The following TPM1 variants were observed in gnomAD, a reference collection of about 807,000 sequenced individuals.
TPM1 encodes tropomyosin alpha-1 chain.
In TPM1, 24 loss-of-function variants were observed where a neutral mutation model predicts 42.9. The observed-to-expected ratio is 0.56, with a 90% CI of 0.41 to 0.79. The LOEUF (loss-of-function observed/expected upper bound fraction) is 0.79. TPM1 is among the 30% of genes least tolerant of loss of function. The probability of loss-of-function intolerance (pLI) is 0.00; values close to 1 mark genes in which losing one functional copy is unlikely to be tolerated. For synonymous variants in TPM1, 136 were observed against 130.1 expected (o/e 1.05, Z -0.31); for missense variants, 158 against 351.8 (o/e 0.45, Z 4.41).
At chr15:63,069,761 T>A (rs2036501131), downstream of TPM1, 6 of 1,376,814 alleles carry the variant, frequency 4.4e-6, no homozygotes, top group Non-Finnish European at 5.1e-6. Flanking sequence ...GACCAGTTGC[T>A]GTCCTGCTTG....
chr15:63,048,528 G>A (rs1458796995), intron 2 of TPM1: 14 of 1,505,918 alleles, frequency 9.3e-6, no homozygotes, highest in African/African-American at 1.5e-5. Context: ...CAGGGCAGCA[G>A]CCGGCCTCTC....
At chr15:63,044,941 T>C (rs1199291713) in intron 2 of TPM1, 1 of 152,006 alleles carries the variant, frequency 6.6e-6, no homozygotes, top group African/African-American at 2.4e-5. Flanking sequence ...AAGCTCTTTG[T>C]CCACTGCCCT....
chr15:63,064,553 A>G, intron 9 of TPM1: 2 of 1,054,596 alleles, frequency 1.9e-6, no homozygotes, highest in Non-Finnish European at 2.3e-6. Flanking sequence ...TTCGTTAAAT[A>G]TAATTTGAAG....
At chr15:63,044,381 TG>T in intron 2 of TPM1, 1 of 671,062 alleles carries the variant, frequency 1.5e-6, no homozygotes, top group African/African-American at 1.8e-5. Context: ...TCCCTGGGGG[TG>T]GAGGTGGGTG....
downstream of TPM1, chr15:63,070,964 C>T: frequency 6.5e-7 from 1 of 1,532,474 alleles, no homozygotes; most frequent in Non-Finnish European, 8.8e-7. Flanking sequence ...TAATGTCTTA[C>T]AAGCATGCCT....
At chr15:63,043,302 C>T in intron 1 of TPM1, 1 of 525,724 alleles carries the variant, frequency 1.9e-6, no homozygotes, top group South Asian at 1.7e-5. Flanking sequence ...GGTCGAGTAA[C>T]TCAAGTGTTA....
downstream of TPM1, chr15:63,069,871 TC>T (rs1249033660): frequency 5.6e-6 from 9 of 1,613,954 alleles, no homozygotes; most frequent in Admixed American, 1.2e-4. Flanking sequence ...CCTGTACAGA[TC>T]AACTCTACCA....
At position 63,071,382 on chromosome 15, in the gene TPM1, G is replaced by T. The variant is rs796176554; in HGVS notation, c.*210G>T. The T allele has an allele frequency of 4.7e-5, 25 of 527,246 alleles. No individual in the cohort carries two copies. The African/African-American group carries it at 4.8e-4, about 10-fold the overall frequency. The allele number at this position is 527,246 out of a possible 1,614,324, so 32.7% of individuals were successfully genotyped here. On this transcript the variant is annotated 3_prime_UTR_variant, in exon 9 of 9. Transcript: ENST00000267996. ...GTTCAAATGTGCCATTTCCCGGGTT[G>T]ATGCTGCCACACTTTGTAGAGAGTT...
chr15:63,057,777 C>T (rs1433793094), intron 3 of TPM1, among the ~76,000 whole-genome samples: 1 of 152,186 alleles, frequency 6.6e-6, no homozygotes, highest in Non-Finnish European at 1.5e-5. Flanking sequence ...CCAGCACAGC[C>T]TTGTGTGGTC....
intron 2 of TPM1, 119 bp downstream of exon 2, chr15:63,044,271 G>C: frequency 6.8e-7 from 1 of 1,471,874 alleles, no homozygotes; most frequent in East Asian, 2.3e-5. Flanking sequence ...CCTGCACACA[G>C]CCCTGCCATG....
intron 2 of TPM1, chr15:63,046,603 G>C (rs190779291): frequency 2.0e-5 from 3 of 152,568 alleles, no homozygotes; most frequent in Admixed American, 6.5e-5. Flanking sequence ...TTCGAATTTT[G>C]TGTTGTCTTT....
rs538019196 is a variant in TPM1, at chr15:63,065,742, G to A, written c.852-154G>A. ...GACGGCCTCAGGTGGGAAGATGGATGTCCTTCCAAGGGTGTGGCTGGCAGT... is the reference window on the plus strand; with the variant it reads ...GACGGCCTCAGGTGGGAAGATGGATATCCTTCCAAGGGTGTGGCTGGCAGT... On this transcript the variant is annotated intron_variant, in intron 9 of 9. Coordinates refer to ENST00000403994, the MANE Select transcript of TPM1 (RefSeq NM_001018005.2). 30 of 875,372 alleles carry A rather than the reference G, an allele frequency of 3.4e-5. No individual in the cohort carries two copies. In the Middle Eastern group the frequency reaches 1.8e-3, roughly 51 times the overall value. The allele number at this position is 875,372 out of a possible 1,614,324, so 54.2% of individuals were successfully genotyped here. A position where few individuals can be genotyped will look rare whatever the true frequency, so the allele number is the denominator to read the frequency against.
intron 9 of TPM1, 106 bp from the exon 10 acceptor site, chr15:63,065,790 G>A: frequency 7.0e-7 from 1 of 1,420,150 alleles, no homozygotes; most frequent in Non-Finnish European, 9.5e-7. Context: ...ACTGCTTCTT[G>A]TCTGTGTTTC....
At chr15:63,043,536 C>T (rs565414249) in intron 1 of TPM1, 4 of 1,100,162 alleles carry the variant, frequency 3.6e-6, no homozygotes, top group South Asian at 1.3e-5. Context: ...CGGGGTGAGC[C>T]GCGGAGCGGT....
At chr15:63,051,258 C>A (rs2033796282) in intron 2 of TPM1, among the ~76,000 whole-genome samples, 1 of 152,166 alleles carries the variant, frequency 6.6e-6, no homozygotes, top group African/African-American at 2.4e-5. Context: ...TACAAAAATT[C>A]CCAGCACTTT....
In TPM1 at chr15:63,062,628, G is replaced by C. The variant is rs1375629623; in HGVS notation, c.755G>C (p.Ser252Thr). ...AGGTCAGTAACTAAATTGGAGAAAA[G>C]CATTGATGACTTAGAAGGTAAGATC... Reference protein sequence around the residue: ...AERSVTKLEKSIDDLEDELYA... With the variant: ...AERSVTKLEKTIDDLEDELYA... Residue 252 changes from serine (S) to threonine (T), a missense_variant, in exon 8 of 10, where the codon AGC becomes ACC. This residue lies in a region of TPM1 where 64 missense variants were observed against 95.8 expected (regional missense o/e 0.67). Transcript: ENST00000403994. 7 of 1,614,226 alleles carry C rather than the reference G, an allele frequency of 4.3e-6. No individual in the cohort carries two copies. Among genetic ancestry groups the C allele is most frequent in the Non-Finnish European group, 5.9e-6 (7 of 1,180,028 alleles).
chr15:63,070,064 T>C (rs2141033663), downstream of TPM1: 2 of 1,553,504 alleles, frequency 1.3e-6, no homozygotes, highest in Non-Finnish European at 1.7e-6. Flanking sequence ...GAAATGCAAA[T>C]GCAAGGAATT....
At chr15:63,048,403 G>A in intron 2 of TPM1, 1 of 1,358,710 alleles carries the variant, frequency 7.4e-7, no homozygotes, top group East Asian at 3.2e-5. Flanking sequence ...CGCAGCCCTG[G>A]AGGCTGCGAC....
In TPM1 at chr15:63,064,468, G is replaced by A. The variant is rs566291474; in HGVS notation, c.851+326G>A. 48 of 1,140,830 alleles carry A rather than the reference G, an allele frequency of 4.2e-5. No homozygotes were observed. In the East Asian group the frequency reaches 1.3e-3, roughly 32 times the overall value. The allele number at this position is 1,140,830 out of a possible 1,614,324, so 70.7% of individuals were successfully genotyped here. ...TCAAGTAAAACTAGAAGGCCATGCC[G>A]TTTGTTGTACAGGAACTTCTCAAAA... On this transcript the variant is annotated intron_variant, in intron 9 of 9. Transcript: ENST00000403994.
Sources: gnomAD v4.1 joint callset for allele counts (sites outside exome capture counted in the v4.1 genomes callset) on GRCh38, gnomAD v4.1.1 for gene constraint, gnomAD v4.1.1 regional missense constraint, MANE v1.5 for transcripts, NCBI Gene and HGNC (gene_info 2026-07-23, HGNC 2026-07-21) for gene names.